SND1: variants seen among roughly 807,000 people sequenced by gnomAD.
The protein encoded by SND1 is staphylococcal nuclease domain-containing protein 1.
SND1 carries 38 observed loss-of-function variants against 121.7 expected under a neutral mutation model. The observed-to-expected ratio is 0.31, with a 90% CI of 0.24 to 0.41. SND1 has a LOEUF of 0.41. Among genes scored for constraint, SND1 ranks in the 10% least tolerant of loss-of-function variants. The pLI, the probability that SND1 is intolerant of heterozygous loss-of-function variation, is 1.00. For missense variants in SND1, 868 were observed against 1,184.6 expected, an observed-to-expected ratio of 0.73 and a Z score of 3.92; for synonymous variants, 401 against 447.4, an observed-to-expected ratio of 0.90 and a Z score of 1.31.
At chr7:128,054,468 A>G (rs1021434625) in intron 16 of SND1, among the ~76,000 whole-genome samples, 1 of 152,230 alleles carries the variant, frequency 6.6e-6, no homozygotes, top group African/African-American at 2.4e-5. Flanking sequence ...CTAGCTGCCT[A>G]TCCTACCAAG....
intron 17 of SND1, among the ~76,000 whole-genome samples, chr7:128,078,486 C>T (rs1402172652): frequency 6.6e-6 from 1 of 152,236 alleles, no homozygotes; most frequent in Non-Finnish European, 1.5e-5. Context: ...TGGCAGTGTG[C>T]ACCACCCCAC....
At chr7:128,030,365 G>C in intron 16 of SND1, 1 of 1,613,952 alleles carries the variant, frequency 6.2e-7, no homozygotes, top group Non-Finnish European at 8.5e-7. Flanking sequence ...GGAAGGTGTC[G>C]GCCTGGATCA....
At chr7:128,075,203 A>T (rs1793487246) in intron 17 of SND1, among the ~76,000 whole-genome samples, 2 of 150,760 alleles carry the variant, frequency 1.3e-5, no homozygotes, top group Admixed American at 6.6e-5. Flanking sequence ...GACAAGGGGG[A>T]TGGGGTGGAA....
chr7:128,014,253 GTCT>G (rs1803176251), intron 16 of SND1, among the ~76,000 whole-genome samples: 1 of 152,316 alleles, frequency 6.6e-6, no homozygotes, highest in East Asian at 1.9e-4. Flanking sequence ...TGATCAGTAA[GTCT>G]TCTTGCCTCC....
At chr7:127,796,294 G>A (rs1270699915) in intron 10 of SND1, among the ~76,000 whole-genome samples, 2 of 151,908 alleles carry the variant, frequency 1.3e-5, no homozygotes, top group African/African-American at 2.4e-5. Context: ...TGATACAACT[G>A]CCCCCCCTTT....
At chr7:127,870,178 G>T (rs1031316993) in intron 12 of SND1, among the ~76,000 whole-genome samples, 1 of 152,104 alleles carries the variant, frequency 6.6e-6, no homozygotes, top group Non-Finnish European at 1.5e-5. Flanking sequence ...ATAATTTTTT[G>T]GTGAGAGGAC....
chr7:127,998,003 A>G (rs578140543), intron 16 of SND1: 15 of 529,630 alleles, frequency 2.8e-5, no homozygotes, highest in Middle Eastern at 3.2e-4. Flanking sequence ...CAAGGGATCT[A>G]TGACCCAAGT....
At chr7:127,698,771 T>C (rs1587604096) in intron 3 of SND1, 104 bp from the exon 4 acceptor site, 4 of 856,910 alleles carry the variant, frequency 4.7e-6, no homozygotes, top group Non-Finnish European at 7.9e-6. Context: ...CTGGCAGCAT[T>C]ATTCTCCTTG....
intron 1 of SND1, among the ~76,000 whole-genome samples, chr7:127,663,710 A>G (rs1218311694): frequency 6.6e-6 from 1 of 152,106 alleles, no homozygotes; most frequent in Non-Finnish European, 1.5e-5. Context: ...CGGCCCCGCC[A>G]ACCCCAGGTG....
At chr7:127,912,741 C>G (rs1800486548) in intron 14 of SND1, among the ~76,000 whole-genome samples, 1 of 151,932 alleles carries the variant, frequency 6.6e-6, no homozygotes, top group Non-Finnish European at 1.5e-5. Flanking sequence ...ACAGGGGAAA[C>G]AATTGTAGAA....
chr7:127,891,925 G>A (rs1383185550), intron 13 of SND1, among the ~76,000 whole-genome samples: 1 of 152,124 alleles, frequency 6.6e-6, no homozygotes, highest in Non-Finnish European at 1.5e-5. Context: ...ATTCATATCA[G>A]TCATTCGTTC....
chr7:127,941,390 A>T (rs1056845547), intron 15 of SND1, among the ~76,000 whole-genome samples: 3 of 152,182 alleles, frequency 2.0e-5, no homozygotes, highest in African/African-American at 7.2e-5. Flanking sequence ...ATACTCTGTA[A>T]TGCTGTTACA....
At chr7:128,063,872 G>C (rs1793270834) in intron 16 of SND1, among the ~76,000 whole-genome samples, 1 of 152,192 alleles carries the variant, frequency 6.6e-6, no homozygotes, top group African/African-American at 2.4e-5. Flanking sequence ...TGTGGAGCTG[G>C]GAGTTGTGTG....
At chr7:127,844,536 C>A in intron 12 of SND1, 112 bp downstream of exon 12, 1 of 801,058 alleles carries the variant, frequency 1.2e-6, no homozygotes, top group Non-Finnish European at 1.9e-6. Context: ...CTGCTCTTAA[C>A]TCAGTGGTTT....
chr7:127,773,122 T>TA (rs1244308625), intron 10 of SND1, among the ~76,000 whole-genome samples: 1 of 151,714 alleles, frequency 6.6e-6, no homozygotes, highest in African/African-American at 2.4e-5. Flanking sequence ...GATATATAAA[T>TA]AAGCATATAT....
At chr7:127,722,646 T>C (rs1562991104) in intron 10 of SND1, among the ~76,000 whole-genome samples, 1 of 152,198 alleles carries the variant, frequency 6.6e-6, no homozygotes, top group Non-Finnish European at 1.5e-5. Context: ...CATATCTTGG[T>C]GCATTCACAA....
At chr7:127,676,650 C>T (rs1336183885) in intron 1 of SND1, among the ~76,000 whole-genome samples, 1 of 152,214 alleles carries the variant, frequency 6.6e-6, no homozygotes, top group African/African-American at 2.4e-5. Context: ...GGTATCTTAA[C>T]TGATAAATCA....
chr7:127,690,017 A>T (rs1427849912), intron 2 of SND1, among the ~76,000 whole-genome samples: 1 of 146,288 alleles, frequency 6.8e-6, no homozygotes, highest in African/African-American at 2.5e-5. Context: ...CATACTTGAC[A>T]TTTGATTAAT....
intron 11 of SND1, among the ~76,000 whole-genome samples, chr7:127,812,428 CAT>C (rs1382367226): frequency 6.6e-6 from 1 of 152,224 alleles, no homozygotes; most frequent in Non-Finnish European, 1.5e-5. Context: ...TGTCAGATTA[CAT>C]GTTCTTCGCC....
Sources: allele counts gnomAD v4.1 joint callset (sites outside exome capture counted in the v4.1 genomes callset), GRCh38; gene constraint gnomAD v4.1.1; transcripts MANE v1.5; gene names NCBI Gene and HGNC (gene_info 2026-07-23, HGNC 2026-07-21).